The following PXDN variants were observed in gnomAD, a reference collection of about 807,000 sequenced individuals.
PXDN encodes the protein peroxidasin.
A neutral mutation model predicts 140.3 loss-of-function variants in PXDN; 77 were observed. That is an observed-to-expected ratio of 0.55 (90% CI 0.46 to 0.66). PXDN has a LOEUF of 0.66. Ranked by LOEUF, PXDN falls within the 30% of genes least tolerant of loss-of-function variation. PXDN has a pLI of 0.00. For synonymous variants in PXDN, 911 were observed against 857.4 expected (o/e 1.06, Z -1.09); for missense variants, 1,838 against 2,039.5 (o/e 0.90, Z 1.90).
intron 1 of PXDN, among the ~76,000 whole-genome samples, chr2:1,707,289 T>C (rs201579384): frequency 7.6e-5 from 1 of 13,240 alleles, no homozygotes; most frequent in East Asian, 7.6e-4. Flanking sequence ...TAATACAATC[T>C]GAGAGCACGC....
At chr2:1,659,765 A>G (rs1240444552) in intron 14 of PXDN, among the ~76,000 whole-genome samples, 1 of 152,240 alleles carries the variant, frequency 6.6e-6, no homozygotes, top group African/African-American at 2.4e-5. Context: ...CACTCTACAT[A>G]TAATGGGAAA....
intron 1 of PXDN, among the ~76,000 whole-genome samples, chr2:1,741,420 C>G (rs1685541267): frequency 6.6e-6 from 1 of 152,124 alleles, no homozygotes; most frequent in African/African-American, 2.4e-5. Context: ...GCCGACCGAG[C>G]AGCACAGGGC....
Position 1,640,594 on chromosome 2 carries a change from A to G in PXDN, c.3953-1172T>C, listed in dbSNP as rs553342708. On this transcript the variant is annotated intron_variant, in intron 19 of 22. Coordinates refer to ENST00000252804, the MANE Select transcript of PXDN (RefSeq NM_012293.3). ...AGTTAACTATACAGCTTCTGAGTAA[A>G]CCCAGCTGGCTGGACCCCTCGCTTC... is the stretch of plus-strand genomic sequence containing the variant. 3.3e-5 allele frequency among the ~76,000 whole-genome samples: 5 copies of G among 152,154 alleles called. No homozygotes were observed. The East Asian group carries it at 9.6e-4, about 29-fold the overall frequency.
chr2:1,656,394 A>G (rs1478092408), intron 14 of PXDN, among the ~76,000 whole-genome samples: 1 of 152,236 alleles, frequency 6.6e-6, no homozygotes, highest in African/African-American at 2.4e-5. Flanking sequence ...ATTTTTCTTC[A>G]ACATACGCAA....
rs764257758 is a variant in PXDN, at chr2:1,662,199, TAG to T, written c.1568-17_1568-16del. The T allele has an allele frequency of 2.4e-4, 373 of 1,567,652 alleles. No individual in the cohort carries two copies. The highest frequency in any genetic ancestry group is 3.1e-4 in the Non-Finnish European group (358 of 1,153,806). On this transcript the variant is annotated splice_polypyrimidine_tract_variant and intron_variant, in intron 12 of 22. Transcript: ENST00000252804. The stretch of plus-strand genomic sequence containing the variant: ...CACTGGGGTGACTGGAAGGCAGATG[TAG>T]AGAATCCAGGAGAACGAGTCAATTA...
rs2288182 is a variant in PXDN at position 1,692,445 on chromosome 2, G to C, written c.273-446C>G. 0.021 allele frequency: 9,719 copies of C among 468,810 alleles called. 810 individuals are homozygous for C. In the East Asian group the frequency reaches 0.3, roughly 14 times the overall value. The allele number at this position is 468,810 out of a possible 1,614,324, so 29.0% of individuals were successfully genotyped here. A position where few individuals can be genotyped will look rare whatever the true frequency, so the allele number is the denominator to read the frequency against. Reference sequence around the variant, plus strand: ...GCGCACAGACAAGGGCCTGGGGTGAGAGACCCCGGGCCACTTGCCCTCCAG... The same window carrying C: ...GCGCACAGACAAGGGCCTGGGGTGACAGACCCCGGGCCACTTGCCCTCCAG... On this transcript the variant is annotated intron_variant, in intron 2 of 22. Transcript: ENST00000252804.
chr2:1,737,664 C>G (rs1244699839), intron 1 of PXDN, among the ~76,000 whole-genome samples: 1 of 151,988 alleles, frequency 6.6e-6, no homozygotes, highest in Non-Finnish European at 1.5e-5. Context: ...CTCAGCCTCC[C>G]GATAGCTGGA....
At chr2:1,692,081 G>C (rs1008730033) in intron 2 of PXDN, 82 bp from the exon 3 acceptor site, 1 of 1,027,164 alleles carries the variant, frequency 9.7e-7, no homozygotes, top group Non-Finnish European at 1.4e-6. Context: ...CGACAGCCTT[G>C]GAAAAGGTCA....
chr2:1,702,992 G>GGGACAGCTCCAGGA (rs1684474113), intron 1 of PXDN, among the ~76,000 whole-genome samples: 1 of 99,670 alleles, frequency 1.0e-5, no homozygotes, highest in African/African-American at 5.5e-5. Flanking sequence ...AGGTGAAGGG[G>GGGACAGCTCCAGGA]GGGACAACTC....
rs773920028 is a variant in PXDN at position 1,666,210 on chromosome 2, C to T, written c.1291+4G>A. On this transcript the variant is annotated splice_donor_region_variant and intron_variant, in intron 10 of 22. Coordinates refer to ENST00000252804, the MANE Select transcript of PXDN (RefSeq NM_012293.3). ...TGGCTCTGGCACAGAGGATGGATAC[C>T]CACCCTGGACGATGATGAAAGCGGT... is the stretch of plus-strand genomic sequence containing the variant. 6.2e-7 allele frequency: 1 copy of T among 1,612,976 alleles called. No homozygotes were observed. The highest frequency in any genetic ancestry group is 2.2e-5 in the East Asian group (1 of 44,854).
At position 1,677,019 on chromosome 2, in the gene PXDN, G is replaced by A. The variant is rs2125437580; in HGVS notation, c.756C>T (p.Pro252=). Residue 252 remains proline, a synonymous_variant, in exon 8 of 23, where the codon CCC becomes CCT. Transcript: ENST00000252804. ...TCCCCGAGGTCACATCTGCGTCCTG[G>A]GGCTCGGAGGTGATCCGGGGCCTTT... is the stretch of plus-strand genomic sequence containing the variant. ...NCERPRITSE[P]QDADVTSGNT... is the part of the protein sequence containing the mutation. 3.1e-6 allele frequency: 5 copies of A among 1,608,496 alleles called. No individual in the cohort carries two copies. Among genetic ancestry groups the A allele is most frequent in the Non-Finnish European group, 3.4e-6 (4 of 1,176,256 alleles).
intron 14 of PXDN, 40 bp from the exon 15 acceptor site, chr2:1,654,548 T>C (rs1683087901): frequency 1.5e-6 from 2 of 1,347,244 alleles, no homozygotes; most frequent in African/African-American, 2.9e-5. Flanking sequence ...GGAAAAATAC[T>C]GCACAATTAC....
chr2:1,717,596 T>A (rs1684923904), intron 1 of PXDN, among the ~76,000 whole-genome samples: 2 of 94,588 alleles, frequency 2.1e-5, no homozygotes, highest in African/African-American at 1.0e-4. Context: ...GAAACTTATT[T>A]ATAGAAGGTC....
intron 11 of PXDN, 24 bp from the exon 12 acceptor site, chr2:1,663,787 A>G: frequency 1.2e-6 from 2 of 1,607,148 alleles, no homozygotes; most frequent in Non-Finnish European, 8.5e-7. Flanking sequence ...GGCCCGTTAC[A>G]CTGGACACTC....
chr2:1,679,849 A>AGAT (rs1683838715), intron 7 of PXDN, among the ~76,000 whole-genome samples: 1 of 105,024 alleles, frequency 9.5e-6, no homozygotes. Context: ...GTGTGTGTGT[A>AGAT]TGTGCGTGTG....
chr2:1,744,162 ACCCTCCG>A, intron 1 of PXDN, 87 bp downstream of exon 1: 1 of 640,866 alleles, frequency 1.6e-6, no homozygotes, highest in Non-Finnish European at 1.9e-6. Context: ...TGCCCCCTCC[ACCCTCCG>A]CGCCCCCCAC....
At chr2:1,709,640 C>T (rs766338909) in intron 1 of PXDN, among the ~76,000 whole-genome samples, 16 of 152,212 alleles carry the variant, frequency 1.1e-4, no homozygotes, top group South Asian at 2.1e-4. Context: ...CCCAGGAGGC[C>T]GGCAAGGCGG....
chr2:1,733,748 C>CAAAAGAAAAAAAAAA (rs1685364285), intron 1 of PXDN, among the ~76,000 whole-genome samples: 1 of 79,246 alleles, frequency 1.3e-5, no homozygotes, highest in Non-Finnish European at 2.2e-5. Flanking sequence ...TGTCAAATGA[C>CAAAAGAAAAAAAAAA]AAAAAAAAAA....
rs558988567 is a variant in PXDN, at chr2:1,716,593, G to A, written c.201-23459C>T. Among the ~76,000 whole-genome samples the A allele has an allele frequency of 2.0e-5, 3 of 152,238 alleles. No individual in the cohort carries two copies. In the South Asian group the frequency reaches 6.2e-4, roughly 32 times the overall value. On this transcript the variant is annotated intron_variant, in intron 1 of 22. Transcript: ENST00000252804. The stretch of plus-strand genomic sequence containing the variant: ...GAGGTGGCGGGCAGGCTGGGCACAG[G>A]GACACCCTCTACCTGGGGCAAGGGG...
Sources: allele counts gnomAD v4.1 joint callset (sites outside exome capture counted in the v4.1 genomes callset), GRCh38; gene constraint gnomAD v4.1.1; transcripts MANE v1.5; gene names NCBI Gene and HGNC (gene_info 2026-07-23, HGNC 2026-07-21).